NUDT16L1: variants seen among roughly 807,000 people sequenced by gnomAD.
The protein encoded by NUDT16L1 is tudor-interacting repair regulator protein.
A neutral mutation model predicts 17.3 loss-of-function variants in NUDT16L1; 19 were observed. That is an observed-to-expected ratio of 1.10 (90% CI 0.77 to 1.61). NUDT16L1 has a LOEUF of 1.61. NUDT16L1 is among the 40% of genes most tolerant of loss of function. The pLI is 0.00. For synonymous variants in NUDT16L1, 255 were observed against 138.6 expected, an observed-to-expected ratio of 1.84 and a Z score of -5.90; for missense variants, 341 against 292.0, an observed-to-expected ratio of 1.17 and a Z score of -1.22.
chr16:4,695,039 G>A lies in NUDT16L1; in HGVS notation c.496G>A (p.Val166Met), dbSNP rs754068320. The A allele has an allele frequency of 2.5e-6, 4 of 1,613,362 alleles. No homozygotes were observed. In the South Asian group the frequency reaches 3.3e-5, roughly 13 times the overall value. ...CCCCAACTTCCTGAGCAACGCCTTC[G>A]TGAGCACGGCTAAGTGCCAGCTCCT... The change falls in exon 3 of 3, where the codon GTG (valine) becomes ATG (methionine). Residue 166 changes from valine (V) to methionine (M), a missense_variant. Transcript: ENST00000304301.
chr16:4,694,989 C>T, exon 3 of NUDT16L1: 1 of 1,611,770 alleles, frequency 6.2e-7, no homozygotes, highest in South Asian at 1.1e-5. Flanking sequence ...CCGCTGTACA[C>T]CCAGAAGGAC....
At chr16:4,695,195 G>A (rs781762245) in exon 3 of NUDT16L1, 2 of 1,608,816 alleles carry the variant, frequency 1.2e-6, no homozygotes, top group African/African-American at 2.7e-5. Flanking sequence ...GCCTGAGCTG[G>A]TGGCACCCTC....
At chr16:4,695,495 C>T in exon 3 of NUDT16L1, 1 of 555,276 alleles carries the variant, frequency 1.8e-6, no homozygotes, top group South Asian at 2.6e-5. Flanking sequence ...CCCAGGAGTG[C>T]CTGATTGTCC....
At chr16:4,695,460 T>G (rs549737586) in exon 3 of NUDT16L1, 91 of 585,718 alleles carry the variant, frequency 1.6e-4, no homozygotes, top group Non-Finnish European at 2.3e-4. Flanking sequence ...CCTCCTCTTG[T>G]ACGTCTCATC....
chr16:4,695,069 G>A, exon 3 of NUDT16L1: 1 of 1,613,536 alleles, frequency 6.2e-7, no homozygotes, highest in Non-Finnish European at 8.5e-7. Flanking sequence ...GCTCCTCTTT[G>A]CCCTCAAGGT....
exon 3 of NUDT16L1, chr16:4,695,475 C>T (rs1005431956): frequency 1.7e-6 from 1 of 576,064 alleles, no homozygotes; most frequent in Non-Finnish European, 3.1e-6. Flanking sequence ...CTCATCACAG[C>T]TGGTAGAGAC....
rs1427022172 is a variant in NUDT16L1 at position 4,694,164 on chromosome 16, G to A, written c.340G>A (p.Ala114Thr). The A allele has an allele frequency of 1.3e-5, 21 of 1,584,010 alleles. 1 individual carries two copies. In the Admixed American group the frequency reaches 3.4e-4, roughly 26 times the overall value. Residue 114 changes from alanine (A) to threonine (T), a missense_variant, in exon 2 of 3, where the codon GCG (alanine) becomes ACG (threonine). Ala to Thr is a moderately conservative substitution (Grantham distance 58, BLOSUM62 0). Transcript: ENST00000304301. Reference sequence around the variant, plus strand: ...ACACCGCGTCGTGGCGCACCTGTACGCGCGGCAGCTGACGCTGGAGCAGCT... The same window carrying A: ...ACACCGCGTCGTGGCGCACCTGTACACGCGGCAGCTGACGCTGGAGCAGCT...
exon 3 of NUDT16L1, chr16:4,695,382 G>A (rs1266394380): frequency 1.6e-6 from 1 of 609,670 alleles, no homozygotes; most frequent in Admixed American, 2.9e-5. Flanking sequence ...AGGCAGAGCA[G>A]GGTGGTCCGG....
rs375870846 is a variant in NUDT16L1, at chr16:4,693,969, C to T, written c.154-9C>T. 5.8e-6 allele frequency: 9 copies of T among 1,562,654 alleles called. No individual in the cohort carries two copies. The African/African-American group carries it at 1.1e-4, about 20-fold the overall frequency. On this transcript the variant is annotated splice_polypyrimidine_tract_variant and intron_variant, in intron 1 of 2. Coordinates refer to ENST00000304301, the Ensembl canonical transcript of NUDT16L1. ...CGACCCCGCGGCTGTGACCCGCGCT[C>T]CCTTGCAGATGCAGATGCGTTTCGA...
exon 3 of NUDT16L1, chr16:4,695,005 C>G (rs370639745): frequency 2.5e-6 from 4 of 1,612,434 alleles, no homozygotes; most frequent in East Asian, 2.2e-5. Context: ...AGGACCGAGT[C>G]GGAGGCTTCC....
chr16:4,694,618 T>G, intron 2 of NUDT16L1: 1 of 1,424,272 alleles, frequency 7.0e-7, no homozygotes, highest in Non-Finnish European at 9.2e-7. Context: ...GCGTGAAGGC[T>G]CTTGGGATTT....
chr16:4,694,294 G>T, intron 2 of NUDT16L1, 56 bp downstream of exon 2: 1 of 1,479,072 alleles, frequency 6.8e-7, no homozygotes, highest in Non-Finnish European at 8.9e-7. Context: ...CTGGCCCCGT[G>T]GAAGGCACCG....
intron 2 of NUDT16L1, chr16:4,694,484 C>G: frequency 6.7e-7 from 1 of 1,500,476 alleles, no homozygotes; most frequent in South Asian, 1.2e-5. Context: ...CTGCCATTGC[C>G]AATCCTGGGA....
chr16:4,693,965 C>A lies in NUDT16L1; in HGVS notation c.154-13C>A. On this transcript the variant is annotated splice_polypyrimidine_tract_variant and intron_variant, in intron 1 of 2. Transcript: ENST00000304301. ...CCGTCGACCCCGCGGCTGTGACCCGCGCTCCCTTGCAGATGCAGATGCGTT... is the reference window on the plus strand; with the variant it reads ...CCGTCGACCCCGCGGCTGTGACCCGAGCTCCCTTGCAGATGCAGATGCGTT... 6.5e-7 allele frequency: 1 copy of A among 1,548,320 alleles called. No homozygotes were observed. Among genetic ancestry groups the A allele is most frequent in the Non-Finnish European group, 8.7e-7 (1 of 1,155,936 alleles).
chr16:4,694,935 A>C (rs1596331007), intron 2 of NUDT16L1, 23 bp from the exon 3 acceptor site: 1 of 1,592,170 alleles, frequency 6.3e-7, no homozygotes, highest in South Asian at 1.1e-5. Context: ...CCTGGCCCCA[A>C]CCCCTACCTC....
In NUDT16L1 at chr16:4,694,243, G is replaced by A; in HGVS notation, c.414+5G>A. On this transcript the variant is annotated splice_donor_5th_base_variant and intron_variant, in intron 2 of 2. Transcript: ENST00000304301. ...TCGCGCGACCACGGCCTGGAGGTGG[G>A]GCCGCCGCCCGGGCCCCGCCCCCCG... The A allele has an allele frequency of 6.8e-7, 1 of 1,470,768 alleles. No individual in the cohort carries two copies. Among genetic ancestry groups the A allele is most frequent in the South Asian group, 1.3e-5 (1 of 74,764 alleles). 91.1% of individuals were successfully genotyped at this position (1,470,768 alleles called of 1,614,324 possible).
chr16:4,693,610 C>A, upstream of NUDT16L1: 1 of 1,196,128 alleles, frequency 8.4e-7, no homozygotes, highest in Non-Finnish European at 1.1e-6. Context: ...GGCGCGCCGG[C>A]GATTGGCGGG....
chr16:4,694,558 G>A (rs1252623954), intron 2 of NUDT16L1: 12 of 1,454,332 alleles, frequency 8.3e-6, no homozygotes, highest in Middle Eastern at 1.8e-4. Flanking sequence ...TTGGGGAGTT[G>A]GGAAACTTGA....
At chr16:4,693,952 C>T in intron 1 of NUDT16L1, 26 bp from the exon 2 acceptor site, 1 of 1,522,068 alleles carries the variant, frequency 6.6e-7, no homozygotes, top group Non-Finnish European at 8.7e-7. Flanking sequence ...GTCGACCCCG[C>T]GGCTGTGACC....
Sources: gnomAD v4.1 joint callset for allele counts on GRCh38, gnomAD v4.1.1 for gene constraint, MANE v1.5 for transcripts, NCBI Gene and HGNC (gene_info 2026-07-23, HGNC 2026-07-21) for gene names.